ATOSA: variants seen among roughly 807,000 people sequenced by gnomAD.
ATOSA encodes atos homolog A.
At chr15:52,677,709 T>C in the ATOSA span, among the ~76,000 whole-genome samples, 1 of 152,240 alleles carries the variant, frequency 6.6e-6, no homozygotes. Flanking sequence ...CAAGTACAAC[T>C]CTAAAATGAT....
the ATOSA span, among the ~76,000 whole-genome samples, chr15:52,659,112 T>C: frequency 6.6e-6 from 1 of 152,116 alleles, no homozygotes; most frequent in Non-Finnish European, 1.5e-5. Context: ...TAAAACATCA[T>C]AGGGTAACCT....
chr15:52,620,625 T>TG, the ATOSA span, among the ~76,000 whole-genome samples: 1 of 152,146 alleles, frequency 6.6e-6, no homozygotes, highest in African/African-American at 2.4e-5. Context: ...GGGAACAACT[T>TG]GGGGAATTGC....
At chr15:52,640,399 C>G in the ATOSA span, among the ~76,000 whole-genome samples, 1 of 151,414 alleles carries the variant, frequency 6.6e-6, no homozygotes, top group Non-Finnish European at 1.5e-5. Flanking sequence ...AAACCCGACT[C>G]TACTAAAAAT....
At chr15:52,642,668 C>T in the ATOSA span, among the ~76,000 whole-genome samples, 1 of 152,174 alleles carries the variant, frequency 6.6e-6, no homozygotes, top group African/African-American at 2.4e-5. Context: ...TCCTCTCTCT[C>T]ACTTATTTCC....
the ATOSA span, chr15:52,678,260 T>C: frequency 1.7e-6 from 1 of 605,360 alleles, no homozygotes; most frequent in Non-Finnish European, 2.9e-6. Context: ...AAAGCAAAAC[T>C]CTCTGCACCG....
At chr15:52,674,333 G>A in the ATOSA span, among the ~76,000 whole-genome samples, 2 of 152,060 alleles carry the variant, frequency 1.3e-5, no homozygotes, top group Non-Finnish European at 2.9e-5. Flanking sequence ...TCACAGGCAT[G>A]AGCCACCGCA....
At chr15:52,606,645 C>T in the ATOSA span, among the ~76,000 whole-genome samples, 1 of 152,068 alleles carries the variant, frequency 6.6e-6, no homozygotes, top group Non-Finnish European at 1.5e-5. Context: ...ATTTAAGCCT[C>T]CCTATTAGAT....
the ATOSA span, among the ~76,000 whole-genome samples, chr15:52,639,584 T>C: frequency 6.6e-6 from 1 of 152,214 alleles, no homozygotes; most frequent in Non-Finnish European, 1.5e-5. Flanking sequence ...GTCTTATCTA[T>C]AGAAAATAGC....
the ATOSA span, among the ~76,000 whole-genome samples, chr15:52,697,545 C>T: frequency 4.6e-5 from 7 of 152,172 alleles, no homozygotes; most frequent in Middle Eastern, 6.8e-3. Flanking sequence ...TTCTTTAATG[C>T]GTAAGAATAT....
the ATOSA span, among the ~76,000 whole-genome samples, chr15:52,590,133 T>C: frequency 2.0e-5 from 3 of 152,130 alleles, no homozygotes; most frequent in Admixed American, 1.3e-4. Context: ...AAAATAAATA[T>C]GCTCAAAATC....
chr15:52,613,577 G>A, the ATOSA span: 1 of 1,304,534 alleles, frequency 7.7e-7, no homozygotes, highest in Non-Finnish European at 1.0e-6. Flanking sequence ...ATTTTACATT[G>A]AAATATGACA....
At chr15:52,586,988 C>T in the ATOSA span, 1 of 1,409,390 alleles carries the variant, frequency 7.1e-7, no homozygotes, top group Non-Finnish European at 9.4e-7. Context: ...TATGGAGGTC[C>T]CCAAATGGTC....
At chr15:52,613,756 G>A in the ATOSA span, 4 of 1,613,832 alleles carry the variant, frequency 2.5e-6, no homozygotes, top group South Asian at 1.1e-5. Flanking sequence ...CTTTCTGTTC[G>A]ACCTTTTACA....
At chr15:52,593,407 C>T in the ATOSA span, 1 of 577,110 alleles carries the variant, frequency 1.7e-6, no homozygotes, top group Non-Finnish European at 3.0e-6. Context: ...AAGAGGTTAT[C>T]TGTTGTTTGA....
chr15:52,628,394 G>A, the ATOSA span, among the ~76,000 whole-genome samples: 1 of 152,170 alleles, frequency 6.6e-6, no homozygotes, highest in Admixed American at 6.5e-5. Flanking sequence ...CCTCTGATAT[G>A]AGCCATGCCA....
At chr15:52,602,458 G>T in the ATOSA span, among the ~76,000 whole-genome samples, 1 of 151,702 alleles carries the variant, frequency 6.6e-6, no homozygotes, top group Non-Finnish European at 1.5e-5. Context: ...TTCCTCTAAG[G>T]TCATCTTCAG....
the ATOSA span, among the ~76,000 whole-genome samples, chr15:52,605,519 C>T: frequency 2.7e-3 from 408 of 152,106 alleles, no homozygotes; most frequent in African/African-American, 9.5e-3. Context: ...TGAAACATTC[C>T]GATGAAAATT....
the ATOSA span, among the ~76,000 whole-genome samples, chr15:52,663,663 C>T: frequency 9.2e-5 from 14 of 152,280 alleles, no homozygotes; most frequent in South Asian, 2.7e-3. Context: ...ACTCTGTTGC[C>T]CAGGCTAGAG....
At chr15:52,625,616 C>T in the ATOSA span, among the ~76,000 whole-genome samples, 1 of 151,846 alleles carries the variant, frequency 6.6e-6, no homozygotes, top group Non-Finnish European at 1.5e-5. Flanking sequence ...TAAATTCAAC[C>T]AAGTATCTCT....
Sources: allele counts gnomAD v4.1 joint callset (sites outside exome capture counted in the v4.1 genomes callset), GRCh38; gene constraint gnomAD v4.1.1; transcripts MANE v1.5; gene names NCBI Gene and HGNC (gene_info 2026-07-23, HGNC 2026-07-21).